Variants in GRAMD1B observed in about 807,000 individuals in gnomAD.
GRAMD1B encodes GRAM domain containing 1B.
Under a neutral mutation model 99.7 loss-of-function variants are expected in GRAMD1B, and 37 were observed. The observed-to-expected ratio is 0.37, with a 90% CI of 0.29 to 0.49. The LOEUF (loss-of-function observed/expected upper bound fraction) is 0.49, where lower values mean the gene tolerates loss of function less well. Ranked by LOEUF, GRAMD1B falls within the 20% of genes least tolerant of loss-of-function variation. The pLI is 0.98. For synonymous variants in GRAMD1B, 427 were observed against 387.6 expected (o/e 1.10, Z -1.19); for missense variants, 888 against 1,009.2 (o/e 0.88, Z 1.63).
chr11:123,397,223 G>C (rs1461496762), intron 1 of GRAMD1B, among the ~76,000 whole-genome samples: 1 of 152,062 alleles, frequency 6.6e-6, no homozygotes, highest in Non-Finnish European at 1.5e-5. Flanking sequence ...GGCCAACATG[G>C]CGAAATGCCA....
chr11:123,430,942 C>T lies in GRAMD1B; in HGVS notation c.150C>T (p.Asn50=), dbSNP rs540141231. The T allele has an allele frequency of 3.3e-4, 230 of 702,724 alleles. No individual in the cohort carries two copies. The highest frequency in any genetic ancestry group is 5.0e-4 in the Non-Finnish European group (194 of 384,898). The allele number at this position is 702,724 out of a possible 1,614,324, so 43.5% of individuals were successfully genotyped here. A position where few individuals can be genotyped will look rare whatever the true frequency, so the allele number is the denominator to read the frequency against. Residue 50 remains asparagine, a synonymous_variant, in exon 1 of 20, where the codon AAC becomes AAT. Coordinates refer to ENST00000635736, the MANE Select transcript of GRAMD1B (RefSeq NM_001387025.1). ...RRRFKMRRMK[N]VQEQSLEAGL... ...GCTTCAAGATGCGCCGCATGAAGAA[C>T]GTACAGGAGCAGAGCCTGGAGGCCG...
At position 123,618,965 on chromosome 11, in the gene GRAMD1B, C is replaced by A. The variant is rs1954791801; in HGVS notation, c.2427-142C>A. On this transcript the variant is annotated intron_variant, in intron 18 of 19. Transcript: ENST00000635736. ...CCTATAGTTTCAGCCCACTTCTGAT[C>A]TGGGGCACAGGGGAACCGGGGGCAG... 3 of 685,912 alleles carry A rather than the reference C, an allele frequency of 4.4e-6. No homozygotes were observed. The South Asian group carries it at 5.3e-5, about 12-fold the overall frequency. The allele number at this position is 685,912 out of a possible 1,614,324, so 42.5% of individuals were successfully genotyped here. A position where few individuals can be genotyped will look rare whatever the true frequency, so the allele number is the denominator to read the frequency against.
chr11:123,600,930 G>A (rs1430006070), intron 8 of GRAMD1B, among the ~76,000 whole-genome samples: 1 of 152,184 alleles, frequency 6.6e-6, no homozygotes, highest in Non-Finnish European at 1.5e-5. Context: ...GAAGAAGTGG[G>A]CAGAGCCTTT....
At position 123,510,046 on chromosome 11, in the gene GRAMD1B, C is replaced by A. The variant is rs1442971066; in HGVS notation, c.452+29153C>A. ...CTGAATGTTATTGCAAGGTGAGTGG[C>A]TTCACCGGGCGAATTTCTCTCCTTT... is the stretch of plus-strand genomic sequence containing the variant. On this transcript the variant is annotated intron_variant, in intron 2 of 19. Transcript: ENST00000635736. This position sits in a 1 kb window ranked among gnomAD's most constrained non-coding sequence, Gnocchi z 4.3. The A allele has an allele frequency of 1.3e-5, 2 of 152,306 alleles. No individual in the cohort carries two copies. Among genetic ancestry groups the A allele is most frequent in the African/African-American group, 4.8e-5 (2 of 41,450 alleles). The allele number at this position is 152,306 out of a possible 1,614,324, so 9.4% of individuals were successfully genotyped here. A position where few individuals can be genotyped will look rare whatever the true frequency, so the allele number is the denominator to read the frequency against.
At chr11:123,538,634 T>G (rs850289) in intron 2 of GRAMD1B, among the ~76,000 whole-genome samples, 1 of 151,838 alleles carries the variant, frequency 6.6e-6, no homozygotes, top group African/African-American at 2.4e-5. Flanking sequence ...ATTTTATTTT[T>G]TTTTGAGACA....
chr11:123,539,281 C>A (rs527932215), intron 2 of GRAMD1B, among the ~76,000 whole-genome samples: 1 of 152,098 alleles, frequency 6.6e-6, no homozygotes, highest in South Asian at 2.1e-4. Context: ...AGCTGTCATA[C>A]AAGTAACATT....
chr11:123,479,985 T>A (rs1300964983), intron 1 of GRAMD1B, among the ~76,000 whole-genome samples: 3 of 152,152 alleles, frequency 2.0e-5, no homozygotes, highest in African/African-American at 4.8e-5. Context: ...GTTTGTGGAC[T>A]CCTGATCAGA....
At chr11:123,421,690 G>T (rs1293044979) in intron 1 of GRAMD1B, among the ~76,000 whole-genome samples, 1 of 152,170 alleles carries the variant, frequency 6.6e-6, no homozygotes, top group Non-Finnish European at 1.5e-5. Flanking sequence ...ATCTTCCAGA[G>T]GTATCTGCTT....
At chr11:123,599,568 G>A in intron 7 of GRAMD1B, 5 of 434,202 alleles carry the variant, frequency 1.2e-5, no homozygotes, top group Non-Finnish European at 2.2e-5. Flanking sequence ...TGCCTTCTGG[G>A]TTCAGGTGAT....
chr11:123,413,006 T>C (rs1948105907), intron 1 of GRAMD1B, among the ~76,000 whole-genome samples: 1 of 152,298 alleles, frequency 6.6e-6, no homozygotes, highest in South Asian at 2.1e-4. Flanking sequence ...GGTCTCGAAC[T>C]CCTGACTTCA....
intron 2 of GRAMD1B, among the ~76,000 whole-genome samples, chr11:123,562,432 T>C (rs1175408563): frequency 6.6e-6 from 1 of 152,238 alleles, no homozygotes; most frequent in Non-Finnish European, 1.5e-5. Context: ...TGGGCCGGGC[T>C]GTCTCAGCTA....
chr11:123,549,657 G>T (rs1365740485), intron 2 of GRAMD1B, among the ~76,000 whole-genome samples: 1 of 152,166 alleles, frequency 6.6e-6, no homozygotes, highest in Non-Finnish European at 1.5e-5. Flanking sequence ...CCCAGAGAAA[G>T]GGTGAGCTAC....
intron 2 of GRAMD1B, among the ~76,000 whole-genome samples, chr11:123,533,032 C>T (rs919464092): frequency 1.3e-5 from 2 of 152,176 alleles, no homozygotes; most frequent in African/African-American, 4.8e-5. Flanking sequence ...TGCAATGGTG[C>T]GATCTCGGCT....
intron 2 of GRAMD1B, among the ~76,000 whole-genome samples, chr11:123,511,882 C>G (rs1017457777): frequency 3.3e-5 from 5 of 152,232 alleles, no homozygotes; most frequent in Admixed American, 2.0e-4. Flanking sequence ...GCTGTGTGAT[C>G]AGATCCGAGT....
chr11:123,370,560 G>A (rs935066473), intron 1 of GRAMD1B, among the ~76,000 whole-genome samples: 5 of 151,368 alleles, frequency 3.3e-5, no homozygotes, highest in Non-Finnish European at 7.4e-5. Flanking sequence ...GGCTGGTCTC[G>A]AACTCCTGAG....
intron 2 of GRAMD1B, among the ~76,000 whole-genome samples, chr11:123,565,586 A>C (rs145666239): frequency 6.6e-6 from 1 of 152,364 alleles, no homozygotes; most frequent in Non-Finnish European, 1.5e-5. Context: ...AGACTCATGG[A>C]GGAATGAGGA....
At chr11:123,416,080 G>A (rs1334438937) in intron 1 of GRAMD1B, among the ~76,000 whole-genome samples, 2 of 152,170 alleles carry the variant, frequency 1.3e-5, no homozygotes, top group Admixed American at 1.3e-4. Context: ...TCACTATAAT[G>A]TATAGCTTAA....
At chr11:123,520,548 A>G (rs534090708) in intron 2 of GRAMD1B, among the ~76,000 whole-genome samples, 9 of 152,234 alleles carry the variant, frequency 5.9e-5, no homozygotes, top group Non-Finnish European at 1.2e-4. Context: ...AGGCGGGTGG[A>G]TTGCTTGAGC....
intron 2 of GRAMD1B, among the ~76,000 whole-genome samples, chr11:123,483,036 GAA>G (rs67195021): frequency 1.6e-4 from 23 of 142,676 alleles, no homozygotes; most frequent in Admixed American, 2.8e-4. Context: ...AGATTGGGTG[GAA>G]AAAAAAAAAA....
Sources: allele counts gnomAD v4.1 joint callset (sites outside exome capture counted in the v4.1 genomes callset), GRCh38; gene constraint gnomAD v4.1.1; non-coding constraint Gnocchi (gnomAD v3.1); transcripts MANE v1.5; gene names NCBI Gene and HGNC (gene_info 2026-07-23, HGNC 2026-07-21).